The following RAB3C variants were observed in gnomAD, a reference collection of about 807,000 sequenced individuals.
RAB3C encodes the protein ras-related protein Rab-3C.
A neutral mutation model predicts 26.4 loss-of-function variants in RAB3C; 17 were observed. The ratio of observed to expected loss-of-function variants is 0.64; its 90% CI spans 0.44 to 0.97. The LOEUF (loss-of-function observed/expected upper bound fraction) is 0.97, where lower values mean the gene tolerates loss of function less well. RAB3C is among the 50% of genes least tolerant of loss of function. The probability of loss-of-function intolerance (pLI) is 0.00; values close to 1 mark genes in which losing one functional copy is unlikely to be tolerated. For missense variants in RAB3C, 242 were observed against 281.9 expected (o/e 0.86, Z 1.01); for synonymous variants, 91 against 95.9 (o/e 0.95, Z 0.30).
At position 58,800,953 on chromosome 5, in the gene RAB3C, TAGTC is replaced by T. The variant is rs1561134808; in HGVS notation, c.372-24081_372-24078del. Among the ~76,000 whole-genome samples the T allele has an allele frequency of 2.0e-5, 3 of 152,304 alleles. No homozygotes were observed. In the South Asian group the frequency reaches 6.2e-4, roughly 32 times the overall value. ...CCTGGAATGATTACCATTTTTCTCATAGTCAGTGTATGCAGCAGCATATACCCTC... is the reference window on the plus strand; with the variant it reads ...CCTGGAATGATTACCATTTTTCTCATAGTGTATGCAGCAGCATATACCCTC... On this transcript the variant is annotated intron_variant, in intron 3 of 4. Coordinates refer to ENST00000282878, the MANE Select transcript of RAB3C (RefSeq NM_138453.4).
chr5:58,629,906 C>T (rs1332267537), intron 2 of RAB3C, among the ~76,000 whole-genome samples: 2 of 152,200 alleles, frequency 1.3e-5, no homozygotes, highest in Admixed American at 6.5e-5. Flanking sequence ...GTGTGGCTTC[C>T]CGCAAGTCTG....
chr5:58,662,393 C>G (rs996099738), intron 2 of RAB3C, among the ~76,000 whole-genome samples: 2 of 150,058 alleles, frequency 1.3e-5, no homozygotes, highest in Non-Finnish European at 2.9e-5. Flanking sequence ...ATAAGCCTTA[C>G]AGCAGATTCT....
chr5:58,616,260 T>C (rs1017839439), intron 1 of RAB3C, among the ~76,000 whole-genome samples: 5 of 152,238 alleles, frequency 3.3e-5, no homozygotes, highest in African/African-American at 1.2e-4. Flanking sequence ...ATTAGTCATA[T>C]GCTGCTATTT....
At chr5:58,630,695 G>A (rs1043463954) in intron 2 of RAB3C, among the ~76,000 whole-genome samples, 3 of 152,138 alleles carry the variant, frequency 2.0e-5, no homozygotes, top group Admixed American at 6.5e-5. Flanking sequence ...ATAAAAACTT[G>A]GTATTCTTGT....
intron 1 of RAB3C, among the ~76,000 whole-genome samples, chr5:58,608,480 A>G (rs1465437778): frequency 3.3e-5 from 5 of 152,206 alleles, no homozygotes; most frequent in African/African-American, 1.2e-4. Flanking sequence ...AATCAAAACT[A>G]CAATGAGATA....
intron 2 of RAB3C, among the ~76,000 whole-genome samples, chr5:58,703,651 G>A (rs552797270): frequency 6.6e-5 from 10 of 152,156 alleles, no homozygotes; most frequent in Middle Eastern, 3.4e-3. Context: ...GAGGTCCACC[G>A]TGCAACTACA....
At chr5:58,835,742 CA>C (rs148093910) in intron 4 of RAB3C, among the ~76,000 whole-genome samples, 2,181 of 151,010 alleles carry the variant, frequency 0.014, 45 homozygotes, top group African/African-American at 0.048. Context: ...TCTTTTTTAA[CA>C]AAAAAAAGCA....
At chr5:58,678,004 A>ATGTG (rs1748264252) in intron 2 of RAB3C, among the ~76,000 whole-genome samples, 6 of 63,458 alleles carry the variant, frequency 9.5e-5, no homozygotes, top group South Asian at 5.5e-4. Flanking sequence ...GTGTGTGTGC[A>ATGTG]TGCGTGTGTG....
chr5:58,684,080 A>G (rs1278221867), intron 2 of RAB3C, among the ~76,000 whole-genome samples: 1 of 152,176 alleles, frequency 6.6e-6, no homozygotes, highest in Non-Finnish European at 1.5e-5. Flanking sequence ...TGAACTGAAA[A>G]TATCCAGAAA....
At chr5:58,670,543 T>C (rs1195954967) in intron 2 of RAB3C, among the ~76,000 whole-genome samples, 1 of 152,182 alleles carries the variant, frequency 6.6e-6, no homozygotes, top group Non-Finnish European at 1.5e-5. Context: ...AGTTATGTAA[T>C]TATGTATTTC....
chr5:58,689,865 A>G (rs2111856373), intron 2 of RAB3C, among the ~76,000 whole-genome samples: 1 of 152,296 alleles, frequency 6.6e-6, no homozygotes, highest in African/African-American at 2.4e-5. Flanking sequence ...GTTAAGTGGT[A>G]TAATAGACAA....
chr5:58,753,909 A>G (rs2111965632), intron 3 of RAB3C, among the ~76,000 whole-genome samples: 1 of 152,270 alleles, frequency 6.6e-6, no homozygotes, highest in Non-Finnish European at 1.5e-5. Context: ...AGCCCTTTAA[A>G]TATTGCAACT....
At chr5:58,734,283 A>T (rs2111934292) in intron 3 of RAB3C, among the ~76,000 whole-genome samples, 1 of 152,194 alleles carries the variant, frequency 6.6e-6, no homozygotes, top group Middle Eastern at 3.4e-3. Flanking sequence ...TAAACATGAA[A>T]GTTAGCCTGC....
chr5:58,822,725 T>G, intron 3 of RAB3C: 1 of 478,362 alleles, frequency 2.1e-6, no homozygotes, highest in East Asian at 4.5e-5. Flanking sequence ...GATACGGTAG[T>G]CTGCGCAGCA....
At chr5:58,800,832 G>A (rs916751344) in intron 3 of RAB3C, among the ~76,000 whole-genome samples, 3 of 152,116 alleles carry the variant, frequency 2.0e-5, no homozygotes, top group African/African-American at 7.2e-5. Flanking sequence ...TCTCCATGTG[G>A]AACTAAATGC....
chr5:58,828,519 A>G (rs934746712), intron 4 of RAB3C, among the ~76,000 whole-genome samples: 1 of 152,150 alleles, frequency 6.6e-6, no homozygotes, highest in African/African-American at 2.4e-5. Context: ...ATCCACTCCA[A>G]GGTTTTAACT....
At chr5:58,653,047 G>A (rs543671101) in intron 2 of RAB3C, among the ~76,000 whole-genome samples, 1 of 152,204 alleles carries the variant, frequency 6.6e-6, no homozygotes, top group East Asian at 1.9e-4. Flanking sequence ...AGGTATACAT[G>A]TGCCATGGTG....
chr5:58,727,566 G>A (rs1740919427), intron 3 of RAB3C, among the ~76,000 whole-genome samples: 1 of 151,870 alleles, frequency 6.6e-6, no homozygotes, highest in African/African-American at 2.4e-5. Flanking sequence ...CCAGAGATAG[G>A]CATAAATCTA....
intron 3 of RAB3C, among the ~76,000 whole-genome samples, chr5:58,746,206 T>G (rs547897584): frequency 6.6e-6 from 1 of 152,322 alleles, no homozygotes; most frequent in South Asian, 2.1e-4. Context: ...TTTTGTTCCT[T>G]TGCTGAAGCA....
Sources: allele counts gnomAD v4.1 joint callset (sites outside exome capture counted in the v4.1 genomes callset), GRCh38; gene constraint gnomAD v4.1.1; transcripts MANE v1.5; gene names NCBI Gene and HGNC (gene_info 2026-07-23, HGNC 2026-07-21).